The following TRPM3 variants were observed in gnomAD, a reference collection of about 807,000 sequenced individuals.
TRPM3 encodes the protein transient receptor potential cation channel subfamily M member 3.
Under a neutral mutation model 181.2 loss-of-function variants are expected in TRPM3, and 77 were observed. That is an observed-to-expected ratio of 0.42 (90% CI 0.35 to 0.51). The LOEUF (loss-of-function observed/expected upper bound fraction) is 0.51, where lower values mean the gene tolerates loss of function less well. Ranked by LOEUF, TRPM3 falls within the 20% of genes least tolerant of loss-of-function variation. The probability of loss-of-function intolerance (pLI) is 0.01; values close to 1 mark genes in which losing one functional copy is unlikely to be tolerated. For missense variants in TRPM3, 1,759 were observed against 2,196.7 expected, an observed-to-expected ratio of 0.80 and a Z score of 3.98; for synonymous variants, 745 against 796.4, an observed-to-expected ratio of 0.94 and a Z score of 1.09.
intron 1 of TRPM3, among the ~76,000 whole-genome samples, chr9:70,955,140 G>A (rs2097053575): frequency 6.6e-6 from 1 of 151,812 alleles, no homozygotes; most frequent in South Asian, 2.1e-4. Flanking sequence ...GCCTCTAATT[G>A]TCTGTATTAC....
chr9:70,610,690 C>T lies in TRPM3; in HGVS notation c.2586G>A (p.Gln862=), dbSNP rs1206848689. ...CGAGGGGGATTAACCGGTGCTTGCTCTGAACTTCCTCTTCATCCTTCTTCC... is the reference window on the plus strand; with the variant it reads ...CGAGGGGGATTAACCGGTGCTTGCTTTGAACTTCCTCTTCATCCTTCTTCC... ...SSRKKDEEEV[Q]SKHRLIPLGR... is the part of the protein sequence containing the mutation. Residue 862 remains glutamine (Q), a synonymous_variant, in exon 19 of 26, where the codon CAG becomes CAA. Coordinates refer to ENST00000677713, the MANE Select transcript of TRPM3 (RefSeq NM_001366145.2). 1 of 1,614,076 alleles carries T rather than the reference C, an allele frequency of 6.2e-7. No homozygotes were observed. The highest frequency in any genetic ancestry group is 1.3e-5 in the African/African-American group (1 of 74,930).
intron 7 of TRPM3, among the ~76,000 whole-genome samples, chr9:70,767,505 T>C (rs2079382940): frequency 6.6e-6 from 1 of 152,178 alleles, no homozygotes; most frequent in African/African-American, 2.4e-5. Context: ...ACAGCACTTA[T>C]TTGTTGTGTT....
intron 1 of TRPM3, among the ~76,000 whole-genome samples, chr9:70,865,654 C>G (rs904805357): frequency 6.6e-6 from 1 of 152,058 alleles, no homozygotes; most frequent in African/African-American, 2.4e-5. Flanking sequence ...CTGGTTGGTC[C>G]TCAGTACTTC....
At chr9:70,571,817 A>G (rs1267105947) in intron 22 of TRPM3, among the ~76,000 whole-genome samples, 1 of 151,972 alleles carries the variant, frequency 6.6e-6, no homozygotes, top group Non-Finnish European at 1.5e-5. Flanking sequence ...CTACTTGACC[A>G]CCTAAATTTT....
intron 1 of TRPM3, among the ~76,000 whole-genome samples, chr9:71,190,232 T>C (rs1021465656): frequency 2.0e-5 from 3 of 151,840 alleles, no homozygotes; most frequent in African/African-American, 7.2e-5. Context: ...GTTATCCCCA[T>C]TTGAGTTGAG....
At chr9:70,582,383 A>C (rs891450987) in intron 22 of TRPM3, among the ~76,000 whole-genome samples, 1 of 152,336 alleles carries the variant, frequency 6.6e-6, no homozygotes, top group Non-Finnish European at 1.5e-5. Context: ...TTTAAAGCAG[A>C]TAACAACATC....
chr9:71,278,906 G>A (rs1224874298), intron 1 of TRPM3, among the ~76,000 whole-genome samples: 5 of 151,972 alleles, frequency 3.3e-5, no homozygotes, highest in African/African-American at 9.7e-5. Flanking sequence ...AGTATAAGCA[G>A]AAATAGTCCG....
intron 1 of TRPM3, among the ~76,000 whole-genome samples, chr9:71,175,884 T>C (rs548248881): frequency 1.3e-5 from 2 of 152,148 alleles, no homozygotes; most frequent in African/African-American, 2.4e-5. Context: ...CAACAGACCA[T>C]GTATAGGATG....
At chr9:71,276,218 T>C (rs2084202990) in intron 1 of TRPM3, among the ~76,000 whole-genome samples, 1 of 152,152 alleles carries the variant, frequency 6.6e-6, no homozygotes, top group Non-Finnish European at 1.5e-5. Flanking sequence ...TCGTCAACCG[T>C]ACACACAAAT....
chr9:71,355,611 T>C (rs539736534), intron 1 of TRPM3, among the ~76,000 whole-genome samples: 405 of 152,274 alleles, frequency 2.7e-3, no homozygotes, highest in African/African-American at 9.2e-3. Context: ...AGGAAGCCGA[T>C]AGAGTCCCCC....
chr9:71,393,558 A>C (rs1465615219), intron 1 of TRPM3, among the ~76,000 whole-genome samples: 1 of 152,170 alleles, frequency 6.6e-6, no homozygotes, highest in Non-Finnish European at 1.5e-5. Flanking sequence ...AAATCTTTGG[A>C]TACTTTCCCA....
At chr9:70,641,988 C>T (rs1315360435) in intron 9 of TRPM3, among the ~76,000 whole-genome samples, 1 of 152,176 alleles carries the variant, frequency 6.6e-6, no homozygotes, top group Non-Finnish European at 1.5e-5. Context: ...TAAGTGATTT[C>T]TGTTTAAACA....
chr9:70,584,666 C>T (rs967025701), intron 22 of TRPM3, among the ~76,000 whole-genome samples: 1 of 152,238 alleles, frequency 6.6e-6, no homozygotes, highest in Non-Finnish European at 1.5e-5. Flanking sequence ...GCCTTCAGGA[C>T]CTTTAGTCAA....
intron 9 of TRPM3, among the ~76,000 whole-genome samples, chr9:70,677,127 G>A (rs1169835770): frequency 1.3e-5 from 2 of 152,086 alleles, no homozygotes; most frequent in South Asian, 2.1e-4. Context: ...ACAGGGCCAG[G>A]GTGGAAGCAG....
chr9:71,303,630 G>A (rs934085185), intron 1 of TRPM3, among the ~76,000 whole-genome samples: 1 of 152,122 alleles, frequency 6.6e-6, no homozygotes, highest in Non-Finnish European at 1.5e-5. Flanking sequence ...GAGGGACAGA[G>A]GAGAGAAATC....
intron 1 of TRPM3, among the ~76,000 whole-genome samples, chr9:71,033,472 C>A (rs577430159): frequency 2.0e-5 from 3 of 152,248 alleles, no homozygotes; most frequent in South Asian, 2.1e-4. Flanking sequence ...CACCAAACTT[C>A]TAAATAAAGA....
At chr9:71,133,973 T>G (rs540470822) in intron 1 of TRPM3, among the ~76,000 whole-genome samples, 3 of 148,572 alleles carry the variant, frequency 2.0e-5, no homozygotes, top group Non-Finnish European at 3.0e-5. Context: ...CTGTGTGTGT[T>G]TGTGTGTGTG....
intron 1 of TRPM3, among the ~76,000 whole-genome samples, chr9:71,081,497 T>C (rs2064334568): frequency 6.6e-6 from 1 of 152,154 alleles, no homozygotes; most frequent in South Asian, 2.1e-4. Flanking sequence ...ATGTTAGATA[T>C]AAAGGCTCAA....
chr9:70,613,649 G>A (rs138371500), intron 18 of TRPM3, among the ~76,000 whole-genome samples: 38 of 152,312 alleles, frequency 2.5e-4, no homozygotes, highest in African/African-American at 8.7e-4. Flanking sequence ...CAGGCCACAT[G>A]TCCTTTCCTT....
Sources: gnomAD v4.1 joint callset for allele counts (sites outside exome capture counted in the v4.1 genomes callset) on GRCh38, gnomAD v4.1.1 for gene constraint, MANE v1.5 for transcripts, NCBI Gene and HGNC (gene_info 2026-07-23, HGNC 2026-07-21) for gene names.